The following USP6 variants were observed in gnomAD, a reference collection of about 807,000 sequenced individuals.
USP6 encodes ubiquitin specific peptidase 6.
In USP6, 128 loss-of-function variants were observed where a neutral mutation model predicts 175.7. The observed-to-expected ratio is 0.73, with a 90% confidence interval of 0.63 to 0.84. The LOEUF is 0.84. Among genes scored for constraint, USP6 ranks in the 40% least tolerant of loss-of-function variants. USP6 has a pLI of 0.00. For synonymous variants in USP6, 562 were observed against 630.6 expected (o/e 0.89, Z 1.63); for missense variants, 1,498 against 1,760.3 (o/e 0.85, Z 2.67).
intron 1 of USP6, among the ~76,000 whole-genome samples, chr17:5,117,370 G>T (rs1469598035): frequency 6.6e-6 from 1 of 152,102 alleles, no homozygotes; most frequent in East Asian, 1.9e-4. Flanking sequence ...ACAAAAATTA[G>T]CCGGGTGTGG....
In USP6 at chr17:5,130,741, G is replaced by A. The variant is rs970089771; in HGVS notation, c.155+57G>A. ...AAAGCAGCTGTCTCAGCTCAGGGAT[G>A]GGTTTGCTTTTAGAAAGGCCTTTCT... On this transcript the variant is annotated intron_variant, in intron 11 of 37. Transcript: ENST00000574788. 8.1e-6 allele frequency: 13 copies of A among 1,605,038 alleles called. No homozygotes were observed. The African/African-American group carries it at 1.5e-4, about 18-fold the overall frequency.
rs1053527 is a variant in USP6 at position 5,173,865 on chromosome 17, C to T, written c.*887C>T. On this transcript the variant is annotated 3_prime_UTR_variant, in exon 38 of 38. Transcript: ENST00000574788. Reference sequence around the variant, plus strand: ...CAACAAGAGCTTCTGGGAAGGTAAGCGGCATCGGAGCTAGATCACGTTTCA... The same window carrying T: ...CAACAAGAGCTTCTGGGAAGGTAAGTGGCATCGGAGCTAGATCACGTTTCA... 3 of 222,792 alleles carry T rather than the reference C, an allele frequency of 1.3e-5. No individual in the cohort carries two copies. The highest frequency in any genetic ancestry group is 1.8e-5 in the Non-Finnish European group (2 of 111,236). 13.8% of individuals were successfully genotyped at this position (222,792 alleles called of 1,614,324 possible).
intron 15 of USP6, chr17:5,134,348 C>T: frequency 3.4e-6 from 1 of 291,394 alleles, no homozygotes; most frequent in Non-Finnish European, 6.6e-6. Context: ...GGCAACACAG[C>T]ACCAAATGCT....
Position 5,173,243 on chromosome 17 carries a change from A to G in USP6, c.*265A>G, listed in dbSNP as rs1461507752. On this transcript the variant is annotated 3_prime_UTR_variant, in exon 38 of 38. Transcript: ENST00000574788. ...TGTGGCACCAGCCACCTGGGACCAA[A>G]TAAGAATTGAATTGTGCTTGTCCAG... is the stretch of plus-strand genomic sequence containing the variant. The G allele has an allele frequency of 4.2e-5, 18 of 425,800 alleles. No individual in the cohort carries two copies. Among genetic ancestry groups the G allele is most frequent in the Non-Finnish European group, 7.2e-5 (17 of 236,318 alleles). The allele number at this position is 425,800 out of a possible 1,614,324, so 26.4% of individuals were successfully genotyped here. A position where few individuals can be genotyped will look rare whatever the true frequency, so the allele number is the denominator to read the frequency against.
chr17:5,154,711 C>CTT (rs11440951), intron 30 of USP6, among the ~76,000 whole-genome samples: 35,656 of 107,334 alleles, frequency 0.33, 5,178 homozygotes, highest in African/African-American at 0.45. Flanking sequence ...TTGAGATAGT[C>CTT]TTTTTTTTTT....
rs756966124 is a variant in USP6 at position 5,136,768 on chromosome 17, G to A, written c.759+34G>A. 3.8e-5 allele frequency: 61 copies of A among 1,607,942 alleles called. No homozygotes were observed. The Admixed American group carries it at 9.5e-4, about 25-fold the overall frequency. On this transcript the variant is annotated intron_variant, in intron 18 of 37. Coordinates refer to ENST00000574788, the MANE Select transcript of USP6 (RefSeq NM_001304284.2). ...ATGGTCCCCTCGGCTCTTCTCAGAG[G>A]CCCTGCCTCCTGTGGGGCTGTAGGA...
At chr17:5,124,264 C>T (rs2143768277) in intron 4 of USP6, among the ~76,000 whole-genome samples, 1 of 152,308 alleles carries the variant, frequency 6.6e-6, no homozygotes, top group South Asian at 2.1e-4. Flanking sequence ...AGGACAGGGC[C>T]TGGGAAGTGA....
chr17:5,132,450 C>T lies in USP6; in HGVS notation c.195+15C>T, dbSNP rs571698833. ...GGGAGGCGAAGGTAAGAGCCTGATG[C>T]GTGGAGGGGCTGGTCCAGGGACGTA... On this transcript the variant is annotated intron_variant, in intron 12 of 37. Coordinates refer to ENST00000574788, the MANE Select transcript of USP6 (RefSeq NM_001304284.2). This position sits in a 1 kb window ranked among gnomAD's most constrained non-coding sequence, Gnocchi z 4.7. The T allele has an allele frequency of 2.8e-5, 45 of 1,612,022 alleles. No homozygotes were observed. The highest frequency in any genetic ancestry group is 2.3e-4 in the South Asian group (21 of 90,988).
intron 30 of USP6, among the ~76,000 whole-genome samples, chr17:5,154,442 C>A (rs368183528): frequency 1.3e-5 from 2 of 152,188 alleles, no homozygotes; most frequent in East Asian, 1.9e-4. Context: ...CAGGATAATT[C>A]TGTGCAGTAT....
In USP6 at chr17:5,139,315, C is replaced by A; in HGVS notation, c.1139C>A (p.Thr380Asn). ...GTGCCGGCTTCACGTGGTGGGAAGA[C>A]CCTCTGCAAGGGGTATAGGCAGGCC... is the stretch of plus-strand genomic sequence containing the variant. ...RPVPASRGGK[T>N]LCKGYRQAPP... The change falls in exon 22 of 38, where the codon ACC (threonine) becomes AAC (asparagine). Residue 380 changes from threonine (T) to asparagine (N), a missense_variant. Coordinates refer to ENST00000574788, the MANE Select transcript of USP6 (RefSeq NM_001304284.2). The A allele has an allele frequency of 1.2e-6, 2 of 1,610,560 alleles. No individual in the cohort carries two copies. The highest frequency in any genetic ancestry group is 1.7e-4 in the Middle Eastern group (1 of 5,976).
intron 24 of USP6, 105 bp from the exon 25 acceptor site, chr17:5,142,292 T>A (rs2073470903): frequency 1.9e-5 from 30 of 1,540,962 alleles, no homozygotes; most frequent in Non-Finnish European, 2.5e-5. Context: ...ACATCTCTTG[T>A]TTCAAAAAGA....
At position 5,124,832 on chromosome 17, in the gene USP6, T is replaced by C. The variant is rs1344875079; in HGVS notation, c.-1032T>C. ...TCCACGGAGCTCCAGGCTTACTATCTACAGCCCCCAAAGTGTGCTGCGGGA... is the reference window on the plus strand; with the variant it reads ...TCCACGGAGCTCCAGGCTTACTATCCACAGCCCCCAAAGTGTGCTGCGGGA... On this transcript the variant is annotated 5_prime_UTR_variant, in exon 5 of 38. Coordinates refer to ENST00000574788, the MANE Select transcript of USP6 (RefSeq NM_001304284.2). The C allele has an allele frequency of 6.6e-6, 1 of 152,262 alleles. No homozygotes were observed. The highest frequency in any genetic ancestry group is 6.5e-5 in the Admixed American group (1 of 15,284). The allele number at this position is 152,262 out of a possible 1,614,324, so 9.4% of individuals were successfully genotyped here. A position where few individuals can be genotyped will look rare whatever the true frequency, so the allele number is the denominator to read the frequency against.
rs762304063 is a variant in USP6, at chr17:5,155,482, C to T, written c.2704C>T (p.Pro902Ser). 3 of 1,613,944 alleles carry T rather than the reference C, an allele frequency of 1.9e-6. No individual in the cohort carries two copies. The South Asian group carries it at 3.3e-5, about 18-fold the overall frequency. The change falls in exon 31 of 38, where the codon CCA (proline) becomes TCA (serine). Residue 902 changes from proline (P) to serine (S), a missense_variant. By Grantham distance (74) the Pro-to-Ser change is moderately conservative (BLOSUM62 -1). Around this residue, in one of 2 missense-constraint regions of USP6, gnomAD observed 1,217 missense variants for 1,500.8 expected, o/e 0.81. Transcript: ENST00000574788. ...GAATCGCCCCAGCCTCTTTGGAATG[C>T]CATTGATTGTTCCATGCACTGTGCA... Reference protein sequence around the residue: ...QENRPSLFGMPLIVPCTVHTR... With the variant: ...QENRPSLFGMSLIVPCTVHTR...
intron 30 of USP6, among the ~76,000 whole-genome samples, chr17:5,150,290 CTAAAAAAA>C (rs1410373555): frequency 2.3e-5 from 2 of 87,640 alleles, no homozygotes; most frequent in East Asian, 5.1e-4. Flanking sequence ...GAAACTCCGT[CTAAAAAAA>C]TAAATAAATA....
At chr17:5,171,871 TAA>T in intron 37 of USP6, among the ~76,000 whole-genome samples, 192 bp downstream of exon 37, 1 of 152,172 alleles carries the variant, frequency 6.6e-6, no homozygotes, top group East Asian at 1.9e-4. Context: ...TGAGGAAAAA[TAA>T]AGAGTTAGTT....
chr17:5,132,536 G>A lies in USP6; in HGVS notation c.195+101G>A. 1 of 1,593,794 alleles carries A rather than the reference G, an allele frequency of 6.3e-7. No individual in the cohort carries two copies. The highest frequency in any genetic ancestry group is 8.6e-7 in the Non-Finnish European group (1 of 1,163,536). ...AGCTGGCCTGGGCGGTGGCGGGTGA[G>A]GGCAACACGCTGTCACTGGGAGGGG... On this transcript the variant is annotated intron_variant, in intron 12 of 37. Coordinates refer to ENST00000574788, the MANE Select transcript of USP6 (RefSeq NM_001304284.2). This position sits in a 1 kb window ranked among gnomAD's most constrained non-coding sequence, Gnocchi z 4.7.
intron 13 of USP6, 113 bp from the exon 14 acceptor site, chr17:5,133,330 G>A (rs1235434555): frequency 3.1e-5 from 37 of 1,196,520 alleles, no homozygotes; most frequent in Admixed American, 8.9e-5. Flanking sequence ...GCTTGATCTC[G>A]CCTCTACTGA....
chr17:5,152,379 C>T (rs2073793649), intron 30 of USP6, among the ~76,000 whole-genome samples: 1 of 152,152 alleles, frequency 6.6e-6, no homozygotes, highest in African/African-American at 2.4e-5. Flanking sequence ...GCAACAGGAA[C>T]TCTCATACCA....
chr17:5,158,733 C>A (rs2073948300), intron 31 of USP6, among the ~76,000 whole-genome samples: 1 of 145,480 alleles, frequency 6.9e-6, no homozygotes, highest in Admixed American at 7.1e-5. Context: ...GGAAGTACTT[C>A]AAGAAAGGAG....
Sources: gnomAD v4.1 joint callset for allele counts (sites outside exome capture counted in the v4.1 genomes callset) on GRCh38, gnomAD v4.1.1 for gene constraint, gnomAD v4.1.1 regional missense constraint, Gnocchi (gnomAD v3.1) non-coding constraint, MANE v1.5 for transcripts, NCBI Gene and HGNC (gene_info 2026-07-23, HGNC 2026-07-21) for gene names.